DHRSX: variants seen among roughly 807,000 people sequenced by gnomAD.
DHRSX encodes the protein polyprenol dehydrogenase.
A neutral mutation model predicts 34.0 loss-of-function variants in DHRSX; 31 were observed. The observed-to-expected ratio is 0.91, with a 90% CI of 0.69 to 1.23. The LOEUF (loss-of-function observed/expected upper bound fraction) is 1.23. DHRSX is among the 50% of genes most tolerant of loss of function. The probability of loss-of-function intolerance (pLI) is 0.00; values close to 1 mark genes in which losing one functional copy is unlikely to be tolerated. For synonymous variants in DHRSX, 201 were observed against 183.8 expected (o/e 1.09, Z -0.76); for missense variants, 414 against 428.1 (o/e 0.97, Z 0.29).
chrX:2,457,400 A>G (rs1215539344), intron 1 of DHRSX, among the ~76,000 whole-genome samples: 1 of 148,610 alleles, frequency 6.7e-6, no homozygotes, highest in Middle Eastern at 3.3e-3. Flanking sequence ...GGCGCAAGGG[A>G]CCTCTGCTGT....
intron 3 of DHRSX, among the ~76,000 whole-genome samples, chrX:2,396,313 C>T (rs1418590646): frequency 1.3e-5 from 2 of 150,962 alleles, no homozygotes; most frequent in South Asian, 2.1e-4. Context: ...AGGACATGGA[C>T]ATATCTTTTG....
At chrX:2,270,688 G>A (rs2041538838) in intron 4 of DHRSX, among the ~76,000 whole-genome samples, 1 of 152,134 alleles carries the variant, frequency 6.6e-6, no homozygotes, top group South Asian at 2.1e-4. Context: ...GTACAGCAAG[G>A]GGGAAATAAA....
At chrX:2,347,745 G>C (rs1468247303) in intron 3 of DHRSX, among the ~76,000 whole-genome samples, 3 of 152,130 alleles carry the variant, frequency 2.0e-5, no homozygotes, top group Non-Finnish European at 4.4e-5. Flanking sequence ...GAGATGTAAT[G>C]AGCTGTACAT....
At chrX:2,467,397 C>T (rs888692500) in intron 1 of DHRSX, among the ~76,000 whole-genome samples, 8 of 152,150 alleles carry the variant, frequency 5.3e-5, no homozygotes, top group South Asian at 2.1e-4. Flanking sequence ...GATTAAGGTG[C>T]CCACAGCATC....
chrX:2,258,123 T>C (rs1378604569), intron 5 of DHRSX, among the ~76,000 whole-genome samples: 3 of 144,890 alleles, frequency 2.1e-5, no homozygotes, highest in African/African-American at 7.8e-5. Context: ...CCAGCCCTGC[T>C]CACACCTTGA....
At chrX:2,263,813 C>T (rs2041399323) in intron 5 of DHRSX, among the ~76,000 whole-genome samples, 1 of 152,130 alleles carries the variant, frequency 6.6e-6, no homozygotes, top group African/African-American at 2.4e-5. Flanking sequence ...ACCCGGACTG[C>T]TGGATTTTTT....
chrX:2,331,042 G>A (rs1485462868), intron 3 of DHRSX, among the ~76,000 whole-genome samples: 3 of 152,276 alleles, frequency 2.0e-5, no homozygotes, highest in Admixed American at 2.0e-4. Context: ...CAGTAATGGG[G>A]TAGAGCCCAG....
At chrX:2,451,184 G>A (rs755498934) in intron 1 of DHRSX, among the ~76,000 whole-genome samples, 1 of 150,188 alleles carries the variant, frequency 6.7e-6, no homozygotes, top group African/African-American at 2.5e-5. Flanking sequence ...AGTGAGCTGA[G>A]ATCACAGCAC....
chrX:2,225,304 TCACATGCACACATA>T (rs753495231), intron 6 of DHRSX, among the ~76,000 whole-genome samples: 1,976 of 149,044 alleles, frequency 0.013, 44 homozygotes, highest in African/African-American at 0.044. Flanking sequence ...GTACACACAT[TCACATGCACACATA>T]CACATGCACG....
At chrX:2,467,448 C>T (rs188239134) in intron 1 of DHRSX, among the ~76,000 whole-genome samples, 2 of 152,292 alleles carry the variant, frequency 1.3e-5, no homozygotes, top group South Asian at 2.1e-4. Context: ...GCTCTCCACA[C>T]GGGTGACCCC....
rs768572407 is a variant in DHRSX, at chrX:2,386,156, ATTATTTATTTATTTATTTAT to A, written c.286+22569_286+22588del. On this transcript the variant is annotated intron_variant, in intron 3 of 6. Transcript: ENST00000334651. ...TTTGGAAAAAGTATATAGATAATCA[ATTATTTATTTATTTATTTAT>A]TTATTTATTTATTTATTTATTTTGT... Among the ~76,000 whole-genome samples the A allele has an allele frequency of 3.5e-5, 5 of 143,996 alleles. No homozygotes were observed. In the East Asian group the frequency reaches 8.2e-4, roughly 24 times the overall value. 94.5% of individuals were successfully genotyped at this position (143,996 alleles called of 152,430 possible). A position where few individuals can be genotyped will look rare whatever the true frequency, so the allele number is the denominator to read the frequency against.
chrX:2,313,002 A>ATT (rs1440342816), intron 3 of DHRSX, among the ~76,000 whole-genome samples: 2,776 of 106,978 alleles, frequency 0.026, 91 homozygotes, highest in African/African-American at 0.1. Flanking sequence ...GCTTCAAGAT[A>ATT]TATATTTTTT....
intron 1 of DHRSX, among the ~76,000 whole-genome samples, chrX:2,494,690 T>G (rs1301902058): frequency 6.6e-6 from 1 of 151,994 alleles, no homozygotes; most frequent in Non-Finnish European, 1.5e-5. Context: ...AGGTCTGTTT[T>G]CTATTAATAC....
intron 6 of DHRSX, among the ~76,000 whole-genome samples, chrX:2,223,455 A>G (rs2015566393): frequency 6.6e-6 from 1 of 151,828 alleles, no homozygotes; most frequent in African/African-American, 2.4e-5. Context: ...ATGAGAACAG[A>G]CTAATAGAGA....
intron 3 of DHRSX, among the ~76,000 whole-genome samples, chrX:2,388,657 A>C: frequency 6.6e-6 from 1 of 151,832 alleles, no homozygotes; most frequent in South Asian, 2.1e-4. Context: ...GATATCTCAT[A>C]AGAAGAGGAG....
intron 1 of DHRSX, among the ~76,000 whole-genome samples, chrX:2,476,492 G>A (rs1482982703): frequency 5.9e-5 from 9 of 151,950 alleles, no homozygotes; most frequent in Non-Finnish European, 1.2e-4. Flanking sequence ...AGTGCATCAG[G>A]CACCCCAAAA....
intron 3 of DHRSX, among the ~76,000 whole-genome samples, chrX:2,305,206 G>A (rs1338662954): frequency 1.3e-5 from 2 of 152,038 alleles, no homozygotes; most frequent in East Asian, 1.9e-4. Context: ...GCGTGTTGTG[G>A]GTGGGGGTCA....
chrX:2,364,777 ACTCT>A (rs1212469056), intron 3 of DHRSX, among the ~76,000 whole-genome samples: 15 of 151,932 alleles, frequency 9.9e-5, no homozygotes, highest in East Asian at 3.9e-4. Context: ...GCATCTGTTT[ACTCT>A]CTATCTACTG....
At chrX:2,483,235 G>A (rs2044801266) in intron 1 of DHRSX, among the ~76,000 whole-genome samples, 1 of 151,504 alleles carries the variant, frequency 6.6e-6, no homozygotes, top group South Asian at 2.1e-4. Context: ...ACACATGCGT[G>A]CCACCATGTT....
Sources: gnomAD v4.1 joint callset for allele counts (sites outside exome capture counted in the v4.1 genomes callset) on GRCh38, gnomAD v4.1.1 for gene constraint, MANE v1.5 for transcripts, NCBI Gene and HGNC (gene_info 2026-07-23, HGNC 2026-07-21) for gene names.